FREM1: variants seen among roughly 807,000 people sequenced by gnomAD.
FREM1 encodes the protein FRAS1 related extracellular matrix 1.
A neutral mutation model predicts 210.1 loss-of-function variants in FREM1; 220 were observed. The ratio of observed to expected loss-of-function variants is 1.05; its 90% CI spans 0.94 to 1.17. The LOEUF is 1.17. Among genes scored for constraint, FREM1 ranks in the 50% most tolerant of loss-of-function variants. The pLI, the probability that FREM1 is intolerant of heterozygous loss-of-function variation, is 0.00. For synonymous variants in FREM1, 1,189 were observed against 980.2 expected (o/e 1.21, Z -3.98); for missense variants, 3,454 against 2,675.5 (o/e 1.29, Z -6.42).
At chr9:14,848,963 C>T (rs143552740) in intron 6 of FREM1, among the ~76,000 whole-genome samples, 190 bp from the exon 7 acceptor site, 10 of 152,236 alleles carry the variant, frequency 6.6e-5, no homozygotes, top group African/African-American at 9.6e-5. Flanking sequence ...CTTACTTTAA[C>T]GGTATTTTTA....
rs1456512366 is a variant in FREM1, at chr9:14,762,781, A to G, written c.5205-2880T>C. Among the ~76,000 whole-genome samples the G allele has an allele frequency of 6.3e-5, 6 of 94,920 alleles. No individual in the cohort carries two copies. In the Admixed American group the frequency reaches 6.5e-4, roughly 10 times the overall value. 62.3% of individuals were successfully genotyped at this position (94,920 alleles called of 152,430 possible). A position where few individuals can be genotyped will look rare whatever the true frequency, so the allele number is the denominator to read the frequency against. On this transcript the variant is annotated intron_variant, in intron 27 of 36. Coordinates refer to ENST00000380880, the MANE Select transcript of FREM1 (RefSeq NM_001379081.2). ...TTTTTTTTTTTTTTTTGCTTTTTGC[A>G]GTAGTATATTTGAGAAGATCTTTCT...
At position 14,801,711 on chromosome 9, in the gene FREM1, G is replaced by A. The variant is rs1172133921; in HGVS notation, c.3635C>T (p.Ala1212Val). The A allele has an allele frequency of 4.3e-6, 7 of 1,613,936 alleles. No homozygotes were observed. Among genetic ancestry groups the A allele is most frequent in the Non-Finnish European group, 5.9e-6 (7 of 1,179,848 alleles). Residue 1212 changes from alanine to valine, a missense_variant, in exon 20 of 37, where the codon GCC becomes GTC. Physicochemically the swap from Ala to Val is moderately conservative, Grantham distance 64. Transcript: ENST00000380880. ...AGGTGCATGTTTCTGGTGAGGGTTG[G>A]CTGGCTGCTTATTCTCAGAGAAGTC... ...SKDFSENKQP[A>V]NPHQKHAPVH...
chr9:14,804,932 G>A (rs564870553), intron 19 of FREM1, 24 bp downstream of exon 19: 29 of 1,543,602 alleles, frequency 1.9e-5, no homozygotes, highest in Non-Finnish European at 2.6e-5. Flanking sequence ...AAAGAGAAAT[G>A]GAACATTTGG....
At chr9:14,902,269 G>A (rs566756057) in intron 1 of FREM1, among the ~76,000 whole-genome samples, 1 of 152,264 alleles carries the variant, frequency 6.6e-6, no homozygotes, top group Non-Finnish European at 1.5e-5. Context: ...TCTGAGCACT[G>A]CTGTGAATAT....
intron 16 of FREM1, among the ~76,000 whole-genome samples, chr9:14,809,846 G>A (rs955521278): frequency 6.6e-6 from 1 of 151,846 alleles, no homozygotes; most frequent in African/African-American, 2.4e-5. Context: ...TCTAATGGTA[G>A]AGAAGGAAAT....
At chr9:14,789,177 T>C (rs564625008) in intron 22 of FREM1, 63 bp from the exon 23 acceptor site, 3 of 1,115,782 alleles carry the variant, frequency 2.7e-6, no homozygotes, top group Non-Finnish European at 3.7e-6. Flanking sequence ...CGTACGTTAG[T>C]GGACATTTTC....
At chr9:14,860,797 A>T (rs1439170501) in intron 3 of FREM1, among the ~76,000 whole-genome samples, 2,051 of 125,116 alleles carry the variant, frequency 0.016, 242 homozygotes, top group East Asian at 0.046. Context: ...ATACATATAT[A>T]CACATATATA....
chr9:14,910,218 C>G lies in FREM1; in HGVS notation c.-572G>C, dbSNP rs766466641. 6.6e-5 allele frequency: 10 copies of G among 152,334 alleles called. No homozygotes were observed. The highest frequency in any genetic ancestry group is 1.0e-4 in the Non-Finnish European group (7 of 68,132). The allele number at this position is 152,334 out of a possible 1,614,324, so 9.4% of individuals were successfully genotyped here. A position where few individuals can be genotyped will look rare whatever the true frequency, so the allele number is the denominator to read the frequency against. ...GCTGCAGCTTTGCAAACTTCCTGAGCGCCAAGCCTCAGGACTCCCTGTGAG... is the reference window on the plus strand; with the variant it reads ...GCTGCAGCTTTGCAAACTTCCTGAGGGCCAAGCCTCAGGACTCCCTGTGAG... On this transcript the variant is annotated 5_prime_UTR_variant, in exon 1 of 37. Coordinates refer to ENST00000380880, the MANE Select transcript of FREM1 (RefSeq NM_001379081.2).
At chr9:14,839,483 C>T (rs10961752) in intron 10 of FREM1, among the ~76,000 whole-genome samples, 11,325 of 150,996 alleles carry the variant, frequency 0.075, 491 homozygotes, top group African/African-American at 0.12. Context: ...TGTAGATCTC[C>T]CTCTGTCCCC....
chr9:14,862,982 T>A (rs890790277), intron 3 of FREM1, among the ~76,000 whole-genome samples: 1 of 152,186 alleles, frequency 6.6e-6, no homozygotes, highest in Non-Finnish European at 1.5e-5. Context: ...TTTTCTTATA[T>A]ATATGCGTAG....
chr9:14,782,404 C>A lies in FREM1; in HGVS notation c.4442+1966G>T, dbSNP rs113446339. ...TTCTGAACATCTTTATGCATTCAGT[C>A]CTGTGTTCTCCAGCAAGGTCACTGG... On this transcript the variant is annotated intron_variant, in intron 24 of 36. Transcript: ENST00000380880. 32 of 945,414 alleles carry A rather than the reference C, an allele frequency of 3.4e-5. 1 individual carries two copies. The African/African-American group carries it at 4.6e-4, about 14-fold the overall frequency. The allele number at this position is 945,414 out of a possible 1,614,324, so 58.6% of individuals were successfully genotyped here.
intron 15 of FREM1, among the ~76,000 whole-genome samples, chr9:14,813,441 G>C (rs74393074): frequency 6.6e-6 from 1 of 152,172 alleles, no homozygotes; most frequent in African/African-American, 2.4e-5. Flanking sequence ...GTGGTCCAAG[G>C]CATTTTCATT....
At chr9:14,752,802 A>G (rs1420600855) in intron 29 of FREM1, among the ~76,000 whole-genome samples, 1 of 152,106 alleles carries the variant, frequency 6.6e-6, no homozygotes, top group Non-Finnish European at 1.5e-5. Flanking sequence ...CCAACTCCCA[A>G]CCGACTCTCT....
At chr9:14,878,521 A>T (rs6474868) in intron 1 of FREM1, among the ~76,000 whole-genome samples, 79,238 of 152,030 alleles carry the variant, frequency 0.52, 24,106 homozygotes, top group African/African-American at 0.84. Context: ...TTTCCTGCTT[A>T]GTTTTTAACC....
Position 14,746,895 on chromosome 9 carries a change from G to A in FREM1, c.6138+28C>T. ...ATCATAGAGCACATTGCGAATAAAG[G>A]TGCTTGGCTGCTCAGCCTGCCTCCT... On this transcript the variant is annotated intron_variant, in intron 34 of 36. Coordinates refer to ENST00000380880, the MANE Select transcript of FREM1 (RefSeq NM_001379081.2). The A allele has an allele frequency of 3.1e-6, 5 of 1,608,608 alleles. No homozygotes were observed. In the South Asian group the frequency reaches 4.4e-5, roughly 14 times the overall value.
chr9:14,869,940 T>C (rs535425913), intron 1 of FREM1, among the ~76,000 whole-genome samples: 4 of 152,370 alleles, frequency 2.6e-5, no homozygotes, highest in African/African-American at 9.6e-5. Flanking sequence ...CAATGCTAAT[T>C]ACATTCCCAT....
At chr9:14,781,162 T>C (rs998252518) in intron 24 of FREM1, among the ~76,000 whole-genome samples, 2 of 152,190 alleles carry the variant, frequency 1.3e-5, no homozygotes, top group South Asian at 2.1e-4. Flanking sequence ...CCTTTGCCTC[T>C]TGGAACCTTG....
At chr9:14,820,969 T>G (rs887580832) in intron 13 of FREM1, among the ~76,000 whole-genome samples, 3 of 152,196 alleles carry the variant, frequency 2.0e-5, no homozygotes, top group Non-Finnish European at 2.9e-5. Flanking sequence ...GAATATGCTT[T>G]GCTACATTAG....
In FREM1 at chr9:14,860,842, T is replaced by TGC. The variant is rs1554707616; in HGVS notation, c.330-1359_330-1358insGC. On this transcript the variant is annotated intron_variant, in intron 3 of 36. Coordinates refer to ENST00000380880, the MANE Select transcript of FREM1 (RefSeq NM_001379081.2). Reference sequence around the variant, plus strand: ...ACATATATACATATATACGTATATATACATATATACGTATATATACACATA... The same window carrying TGC: ...ACATATATACATATATACGTATATATGCACATATATACGTATATATACACATA... Among the ~76,000 whole-genome samples the TGC allele has an allele frequency of 9.4e-5, 8 of 84,726 alleles. No homozygotes were observed. The East Asian group carries it at 4.7e-3, about 50-fold the overall frequency. The allele number at this position is 84,726 out of a possible 152,430, so 55.6% of individuals were successfully genotyped here.
Sources: allele counts gnomAD v4.1 joint callset (sites outside exome capture counted in the v4.1 genomes callset), GRCh38; gene constraint gnomAD v4.1.1; transcripts MANE v1.5; gene names NCBI Gene and HGNC (gene_info 2026-07-23, HGNC 2026-07-21).